TMEM132C: variants seen among roughly 807,000 people sequenced by gnomAD.
TMEM132C encodes protein phosphatase 1, regulatory subunit 152.
A neutral mutation model predicts 61.4 loss-of-function variants in TMEM132C; 29 were observed. The observed-to-expected ratio is 0.47, with a 90% CI of 0.35 to 0.64. The LOEUF is 0.64. Among genes scored for constraint, TMEM132C ranks in the 30% least tolerant of loss-of-function variants. TMEM132C has a pLI of 0.00. For missense variants in TMEM132C, 1,408 were observed against 1,476.9 expected, an observed-to-expected ratio of 0.95 and a Z score of 0.76; for synonymous variants, 656 against 633.1, an observed-to-expected ratio of 1.04 and a Z score of -0.54.
chr12:128,269,347 C>CGTGTGTGTGTGTGTGT (rs58843737), intron 1 of TMEM132C, among the ~76,000 whole-genome samples: 6,844 of 143,026 alleles, frequency 0.048, 229 homozygotes, highest in African/African-American at 0.067. Flanking sequence ...GCTCACATTC[C>CGTGTGTGTGTGTGTGT]GTGTGTGTGT....
intron 4 of TMEM132C, among the ~76,000 whole-genome samples, chr12:128,668,191 G>A (rs1477000332): frequency 6.6e-6 from 1 of 151,930 alleles, no homozygotes; most frequent in East Asian, 1.9e-4. Context: ...AAGGTGGGAG[G>A]ATCACTTGAG....
chr12:128,489,562 C>CATATATATATACAT, intron 2 of TMEM132C, among the ~76,000 whole-genome samples: 1 of 138,362 alleles, frequency 7.2e-6, no homozygotes. Context: ...TTTATATGCT[C>CATATATATATACAT]ATATATATAT....
chr12:128,375,053 A>G (rs1045470690), intron 1 of TMEM132C, among the ~76,000 whole-genome samples: 1 of 151,652 alleles, frequency 6.6e-6, no homozygotes, highest in African/African-American at 2.4e-5. Flanking sequence ...GGTGGGGGGT[A>G]TCCTGTGTAC....
intron 4 of TMEM132C, among the ~76,000 whole-genome samples, chr12:128,667,094 G>A (rs1954485677): frequency 6.6e-6 from 1 of 152,122 alleles, no homozygotes; most frequent in Non-Finnish European, 1.5e-5. Context: ...TACAGATATA[G>A]ATAGAGATAG....
At chr12:128,429,140 G>A (rs936000853) in intron 2 of TMEM132C, among the ~76,000 whole-genome samples, 1 of 152,088 alleles carries the variant, frequency 6.6e-6, no homozygotes, top group Non-Finnish European at 1.5e-5. Context: ...CAGGGGAAGA[G>A]TTTTACCTAA....
intron 3 of TMEM132C, among the ~76,000 whole-genome samples, chr12:128,552,556 G>T (rs1874208582): frequency 6.6e-6 from 1 of 152,156 alleles, no homozygotes; most frequent in African/African-American, 2.4e-5. Context: ...ACAAATAAAT[G>T]GAGAAAATGC....
At chr12:128,495,384 A>G (rs1871907520) in intron 2 of TMEM132C, among the ~76,000 whole-genome samples, 1 of 152,036 alleles carries the variant, frequency 6.6e-6, no homozygotes, top group African/African-American at 2.4e-5. Context: ...CAATTCCTGG[A>G]TATCCTTGTT....
At chr12:128,523,910 G>A (rs1872996023) in intron 2 of TMEM132C, among the ~76,000 whole-genome samples, 1 of 151,784 alleles carries the variant, frequency 6.6e-6, no homozygotes. Context: ...CCACTCAGGA[G>A]GCTGAGGTGG....
At chr12:128,311,543 A>G (rs904007725) in intron 1 of TMEM132C, among the ~76,000 whole-genome samples, 2 of 152,222 alleles carry the variant, frequency 1.3e-5, no homozygotes, top group African/African-American at 4.8e-5. Context: ...ATGTTGCCAT[A>G]GTGACAGCAC....
intron 3 of TMEM132C, among the ~76,000 whole-genome samples, chr12:128,608,690 T>G (rs2135578785): frequency 6.6e-6 from 1 of 152,252 alleles, no homozygotes; most frequent in East Asian, 1.9e-4. Flanking sequence ...CACTTAAGTT[T>G]AAAAATTACT....
intron 2 of TMEM132C, among the ~76,000 whole-genome samples, chr12:128,447,679 C>G (rs555882948): frequency 6.8e-6 from 1 of 147,484 alleles, no homozygotes; most frequent in Admixed American, 6.8e-5. Context: ...CACCACACTC[C>G]TAGACGTATG....
At chr12:128,279,129 G>A (rs1870797952) in intron 1 of TMEM132C, among the ~76,000 whole-genome samples, 1 of 152,102 alleles carries the variant, frequency 6.6e-6, no homozygotes, top group Non-Finnish European at 1.5e-5. Context: ...GGAAGATCTA[G>A]TCCCAGGCAA....
In TMEM132C at chr12:128,305,495, C is replaced by T. The variant is rs191141179; in HGVS notation, c.85+38008C>T. Among the ~76,000 whole-genome samples the T allele has an allele frequency of 2.2e-3, 327 of 151,556 alleles. 1 individual carries two copies. Among genetic ancestry groups the T allele is most frequent in the African/African-American group, 7.5e-3 (308 of 41,342 alleles). On this transcript the variant is annotated intron_variant, in intron 1 of 8. Transcript: ENST00000435159. ...CCATTCTCTAAACGTTAAGTTTCCG[C>T]CGAACTTTAGATGATTCTGCGGCTT...
intron 3 of TMEM132C, among the ~76,000 whole-genome samples, chr12:128,587,378 C>T (rs1875588041): frequency 6.6e-6 from 1 of 152,150 alleles, no homozygotes; most frequent in Non-Finnish European, 1.5e-5. Flanking sequence ...GCCAGAGGGG[C>T]AAGGGAGCTC....
intron 2 of TMEM132C, among the ~76,000 whole-genome samples, chr12:128,527,814 G>T (rs557217895): frequency 6.6e-6 from 1 of 151,766 alleles, no homozygotes; most frequent in Non-Finnish European, 1.5e-5. Flanking sequence ...ACTTGCCTAG[G>T]TTTCTTCTAA....
intron 2 of TMEM132C, among the ~76,000 whole-genome samples, chr12:128,454,872 A>G (rs927961984): frequency 2.6e-5 from 4 of 152,206 alleles, no homozygotes; most frequent in African/African-American, 7.2e-5. Context: ...ACGGGTTGTC[A>G]CAGAGACAGG....
chr12:128,284,878 G>A (rs1871009465), intron 1 of TMEM132C, among the ~76,000 whole-genome samples: 1 of 152,318 alleles, frequency 6.6e-6, no homozygotes, highest in Non-Finnish European at 1.5e-5. Context: ...TCTCATGCCT[G>A]TAATCCCAGT....
chr12:128,319,884 C>A (rs867963351), intron 1 of TMEM132C, among the ~76,000 whole-genome samples: 67 of 151,688 alleles, frequency 4.4e-4, no homozygotes, highest in African/African-American at 1.6e-3. Flanking sequence ...CATCTTGCAT[C>A]TTCTTGAACA....
At chr12:128,383,449 C>T (rs989486144) in intron 1 of TMEM132C, among the ~76,000 whole-genome samples, 5 of 152,184 alleles carry the variant, frequency 3.3e-5, no homozygotes, top group African/African-American at 9.6e-5. Flanking sequence ...TCCTCAGGGA[C>T]GGATGCTTGA....
Sources: gnomAD v4.1 joint callset for allele counts (sites outside exome capture counted in the v4.1 genomes callset) on GRCh38, gnomAD v4.1.1 for gene constraint, MANE v1.5 for transcripts, NCBI Gene and HGNC (gene_info 2026-07-23, HGNC 2026-07-21) for gene names.